Variants in PACSIN2 observed in about 807,000 individuals in gnomAD.
PACSIN2 encodes protein kinase C and casein kinase substrate in neurons protein 2.
A neutral mutation model predicts 63.8 loss-of-function variants in PACSIN2; 25 were observed. The observed-to-expected ratio is 0.39, with a 90% CI of 0.29 to 0.55. The LOEUF (loss-of-function observed/expected upper bound fraction) is 0.55. Among genes scored for constraint, PACSIN2 ranks in the 20% least tolerant of loss-of-function variants. The pLI is 0.62. For missense variants in PACSIN2, 518 were observed against 646.9 expected, an observed-to-expected ratio of 0.80 and a Z score of 2.16; for synonymous variants, 255 against 256.2, an observed-to-expected ratio of 1.00 and a Z score of 0.05.
chr22:42,951,694 C>T (rs1265600475), intron 1 of PACSIN2, among the ~76,000 whole-genome samples: 1 of 152,234 alleles, frequency 6.6e-6, no homozygotes, highest in Non-Finnish European at 1.5e-5. Flanking sequence ...AATGTGGCCG[C>T]TTCACACCAC....
At chr22:42,989,725 G>A (rs1922880903) in intron 1 of PACSIN2, among the ~76,000 whole-genome samples, 2 of 151,734 alleles carry the variant, frequency 1.3e-5, no homozygotes, top group African/African-American at 2.4e-5. Context: ...TTGAACCTGG[G>A]AGGCAGAGAT....
intron 1 of PACSIN2, among the ~76,000 whole-genome samples, chr22:42,971,908 G>A (rs1439930129): frequency 6.8e-6 from 1 of 147,768 alleles, no homozygotes; most frequent in African/African-American, 2.6e-5. Context: ...GCCTCCACCC[G>A]GCCGCCGCCC....
intron 1 of PACSIN2, among the ~76,000 whole-genome samples, chr22:42,954,483 C>A (rs80259910): frequency 6.6e-6 from 1 of 152,082 alleles, no homozygotes; most frequent in African/African-American, 2.4e-5. Flanking sequence ...GCAGCCTCAA[C>A]CTCCTGGGTG....
chr22:43,007,889 T>A (rs1218097643), intron 1 of PACSIN2, among the ~76,000 whole-genome samples: 1 of 152,190 alleles, frequency 6.6e-6, no homozygotes, highest in East Asian at 1.9e-4. Context: ...CACCCACAGA[T>A]GCTCCCTCCA....
At chr22:42,921,042 G>A (rs776851954) in intron 1 of PACSIN2, among the ~76,000 whole-genome samples, 5 of 152,068 alleles carry the variant, frequency 3.3e-5, no homozygotes, top group South Asian at 4.1e-4. Context: ...GTGATCCACT[G>A]TGCCTGCTCC....
chr22:42,979,901 CT>C (rs1179732831), intron 1 of PACSIN2, among the ~76,000 whole-genome samples: 1 of 152,196 alleles, frequency 6.6e-6, no homozygotes, highest in African/African-American at 2.4e-5. Flanking sequence ...GCCAACTGTA[CT>C]TGTCATTGTA....
chr22:42,981,477 AGGC>A (rs1480897123), intron 1 of PACSIN2, among the ~76,000 whole-genome samples: 10 of 43,994 alleles, frequency 2.3e-4, no homozygotes, highest in Middle Eastern at 0.013. Flanking sequence ...TCCGGGAGGG[AGGC>A]GGCGGGGGGG....
chr22:42,960,827 G>A (rs1934106804), intron 1 of PACSIN2, among the ~76,000 whole-genome samples: 1 of 152,154 alleles, frequency 6.6e-6, no homozygotes, highest in South Asian at 2.1e-4. Context: ...TGAGATCTGT[G>A]CACTTTAGGT....
chr22:42,952,591 T>G (rs1442015869), intron 1 of PACSIN2, among the ~76,000 whole-genome samples: 2 of 151,954 alleles, frequency 1.3e-5, no homozygotes, highest in Non-Finnish European at 2.9e-5. Context: ...TCTCCTGACC[T>G]CGTGATCCGC....
In PACSIN2 at chr22:42,875,300, G is replaced by C. The variant is rs538419172; in HGVS notation, c.1348+837C>G. Among the ~76,000 whole-genome samples, 26 of 151,996 alleles carry C rather than the reference G, an allele frequency of 1.7e-4. 1 individual carries two copies. In the South Asian group the frequency reaches 4.6e-3, roughly 27 times the overall value. Reference sequence around the variant, plus strand: ...TGGGACTATAGGTATGCAACACCACGCCCAGCTAATCTGCTACTTTTGTTT... The same window carrying C: ...TGGGACTATAGGTATGCAACACCACCCCCAGCTAATCTGCTACTTTTGTTT... On this transcript the variant is annotated intron_variant, in intron 10 of 10. Transcript: ENST00000263246.
intron 1 of PACSIN2, among the ~76,000 whole-genome samples, chr22:42,919,388 G>A (rs1397567923): frequency 2.0e-5 from 3 of 152,076 alleles, no homozygotes; most frequent in African/African-American, 4.8e-5. Context: ...AGTCATCCCT[G>A]GTCTTTCCAA....
At chr22:42,987,493 C>CACACACACACACA (rs1569355103) in intron 1 of PACSIN2, among the ~76,000 whole-genome samples, 3 of 91,360 alleles carry the variant, frequency 3.3e-5, no homozygotes, top group South Asian at 3.6e-4. Flanking sequence ...CACACACACA[C>CACACACACACACA]CCATGGCACC....
At chr22:42,908,592 G>A (rs1222814991) in intron 2 of PACSIN2, among the ~76,000 whole-genome samples, 1 of 152,210 alleles carries the variant, frequency 6.6e-6, no homozygotes, top group Non-Finnish European at 1.5e-5. Flanking sequence ...GAAGCCTGTG[G>A]GCGGGCCAGA....
chr22:42,959,479 AC>A (rs1286848421), intron 1 of PACSIN2: 2 of 152,264 alleles, frequency 1.3e-5, no homozygotes, highest in East Asian at 3.8e-4. Context: ...GGAAACACGC[AC>A]GTATGTTCTA....
At chr22:42,982,093 G>A (rs1446726151) in intron 1 of PACSIN2, among the ~76,000 whole-genome samples, 1 of 118,306 alleles carries the variant, frequency 8.5e-6, no homozygotes, top group African/African-American at 3.4e-5. Context: ...GGACCCCTCT[G>A]CCCGGCCAGC....
chr22:42,879,596 C>A (rs1416859660), intron 7 of PACSIN2, among the ~76,000 whole-genome samples: 1 of 152,202 alleles, frequency 6.6e-6, no homozygotes, highest in Non-Finnish European at 1.5e-5. Flanking sequence ...CTGAGCCTCC[C>A]AAAGTAGACA....
In PACSIN2 at chr22:43,007,994, C is replaced by T. The variant is rs189561238; in HGVS notation, c.-78+7027G>A. ...TTCCACGGGCAGCTTAATGGAGTGC[C>T]CCAGCTGGCTGCAACTCTATCAATA... is the stretch of plus-strand genomic sequence containing the variant. On this transcript the variant is annotated intron_variant, in intron 1 of 10. Coordinates refer to ENST00000263246, the MANE Select transcript of PACSIN2 (RefSeq NM_001184970.3). Among the ~76,000 whole-genome samples the T allele has an allele frequency of 1.1e-3, 175 of 152,256 alleles. 1 individual carries two copies. The highest frequency in any genetic ancestry group is 2.2e-4 in the Non-Finnish European group (15 of 68,028).
At chr22:42,953,846 T>C (rs1933803218) in intron 1 of PACSIN2, among the ~76,000 whole-genome samples, 1 of 152,164 alleles carries the variant, frequency 6.6e-6, no homozygotes, top group African/African-American at 2.4e-5. Context: ...CGTGATTGTG[T>C]GATTACAAGG....
chr22:43,010,385 C>CATATATAT (rs1253098949), intron 1 of PACSIN2, among the ~76,000 whole-genome samples: 1,697 of 66,114 alleles, frequency 0.026, 64 homozygotes, highest in African/African-American at 0.089. Context: ...TTTAAAAATA[C>CATATATAT]ATATATATAT....
Sources: gnomAD v4.1 joint callset for allele counts (sites outside exome capture counted in the v4.1 genomes callset) on GRCh38, gnomAD v4.1.1 for gene constraint, MANE v1.5 for transcripts, NCBI Gene and HGNC (gene_info 2026-07-23, HGNC 2026-07-21) for gene names.